The following SEC24C variants were observed in gnomAD, a reference collection of about 807,000 sequenced individuals.
The protein encoded by SEC24C is protein transport protein Sec24C.
Under a neutral mutation model 117.0 loss-of-function variants are expected in SEC24C, and 22 were observed. The ratio of observed to expected loss-of-function variants is 0.19; its 90% CI spans 0.13 to 0.27. The LOEUF (loss-of-function observed/expected upper bound fraction) is 0.27. Among genes scored for constraint, SEC24C ranks in the 10% least tolerant of loss-of-function variants. SEC24C has a pLI of 1.00. For missense variants in SEC24C, 1,155 were observed against 1,375.1 expected (o/e 0.84, Z 2.53); for synonymous variants, 506 against 529.4 (o/e 0.96, Z 0.61).
chr10:73,761,543 T>A (rs1191479511), intron 6 of SEC24C, among the ~76,000 whole-genome samples: 2 of 152,202 alleles, frequency 1.3e-5, no homozygotes, highest in African/African-American at 4.8e-5. Flanking sequence ...CCTGTAACAT[T>A]TGCTATGTCA....
At chr10:73,746,331 T>C (rs1221933253) in intron 1 of SEC24C, among the ~76,000 whole-genome samples, 1 of 152,210 alleles carries the variant, frequency 6.6e-6, no homozygotes, top group South Asian at 2.1e-4. Flanking sequence ...CAGATCTGTT[T>C]TAGATTTTTA....
chr10:73,766,056 C>T, intron 10 of SEC24C, 30 bp from the exon 11 acceptor site: 1 of 1,607,870 alleles, frequency 6.2e-7, no homozygotes, highest in Non-Finnish European at 8.5e-7. Context: ...TTACCATTCC[C>T]CCTCTCCCCA....
chr10:73,767,793 G>A (rs1589528353), intron 14 of SEC24C, 44 bp from the exon 15 acceptor site: 1 of 1,499,246 alleles, frequency 6.7e-7, no homozygotes, highest in East Asian at 2.3e-5. Flanking sequence ...GGGCGGAGCT[G>A]AGATATTTGA....
rs201765738 is a variant in SEC24C, at chr10:73,747,003, A to G, written c.171A>G (p.Gln57=). ...CAGGCTATCAGCAAACACCTCCCCA[A>G]GGTATGTTTCTGTTTCTGTTTCCTT... ...PVPGYQQTPP[Q]GMSRAPPSSG... is the part of the protein sequence containing the mutation. Residue 57 remains glutamine, a splice_region_variant and synonymous_variant, in exon 2 of 23, where the codon CAA becomes CAG. Coordinates refer to ENST00000345254, the MANE Select transcript of SEC24C (RefSeq NM_198597.3). 2.2e-5 allele frequency: 35 copies of G among 1,611,296 alleles called. No individual in the cohort carries two copies. The highest frequency in any genetic ancestry group is 1.8e-4 in the East Asian group (8 of 44,756).
intron 6 of SEC24C, among the ~76,000 whole-genome samples, chr10:73,762,550 GT>G (rs1170685330): frequency 2.6e-5 from 4 of 152,202 alleles, no homozygotes; most frequent in Non-Finnish European, 4.4e-5. Context: ...GTAGCCTGTT[GT>G]GGAGAAATAT....
intron 1 of SEC24C, among the ~76,000 whole-genome samples, chr10:73,745,291 T>G (rs2082529625): frequency 1.3e-5 from 2 of 152,004 alleles, no homozygotes; most frequent in African/African-American, 4.8e-5. Flanking sequence ...TGAGCAAGAT[T>G]GTAATAATTT....
intron 3 of SEC24C, among the ~76,000 whole-genome samples, chr10:73,755,077 G>A (rs2082691072): frequency 6.6e-6 from 1 of 151,928 alleles, no homozygotes. Flanking sequence ...AGGTTGCAGT[G>A]AGCCGAAATC....
chr10:73,759,501 C>A, intron 3 of SEC24C, 121 bp from the exon 4 acceptor site: 1 of 620,860 alleles, frequency 1.6e-6, no homozygotes, highest in Non-Finnish European at 2.5e-6. Context: ...CATAAAAGAA[C>A]TCAGGGTGTG....
In SEC24C at chr10:73,759,735, C is replaced by G; in HGVS notation, c.422C>G (p.Ser141Cys). 6.2e-7 allele frequency: 1 copy of G among 1,610,394 alleles called. No individual in the cohort carries two copies. The highest frequency in any genetic ancestry group is 8.5e-7 in the Non-Finnish European group (1 of 1,179,252). ...AGTGCACAGGTGGCTACGCAGCTGT[C>G]TGGAATGCAGATCAGCGGTGCTGTG... Reference protein sequence around the residue: ...PTSAQVATQLSGMQISGAVAP... With the variant: ...PTSAQVATQLCGMQISGAVAP... Residue 141 changes from serine to cysteine, a missense_variant, in exon 4 of 23, where the codon TCT becomes TGT. Physicochemically the swap from Ser to Cys is moderately radical, Grantham distance 112 (BLOSUM62 -1). Coordinates refer to ENST00000345254, the MANE Select transcript of SEC24C (RefSeq NM_198597.3).
At chr10:73,770,148 ACT>A in intron 20 of SEC24C, 130 bp from the exon 21 acceptor site, 2 of 1,247,102 alleles carry the variant, frequency 1.6e-6, no homozygotes, top group Admixed American at 4.2e-5. Context: ...TAATTTTCAC[ACT>A]GAGAGAGTTA....
chr10:73,760,633 G>C, intron 5 of SEC24C, 80 bp from the exon 6 acceptor site: 3 of 1,388,904 alleles, frequency 2.2e-6, no homozygotes, highest in Non-Finnish European at 2.0e-6. Flanking sequence ...ATGTTTTTAG[G>C]AGTCTAGTCA....
chr10:73,751,406 A>T (rs1208937293), intron 3 of SEC24C, among the ~76,000 whole-genome samples, 163 bp downstream of exon 3: 1 of 152,182 alleles, frequency 6.6e-6, no homozygotes, highest in Non-Finnish European at 1.5e-5. Context: ...TTTCTCAAAT[A>T]AAAAATTAGC....
chr10:73,757,945 A>C lies in SEC24C; in HGVS notation c.309-1677A>C, dbSNP rs559140708. ...CAAAAAAAAAAAAAAAAAAAAAAAAAAAACGTAAGGCTGGGCACGGTGGCT... is the reference window on the plus strand; with the variant it reads ...CAAAAAAAAAAAAAAAAAAAAAAAACAAACGTAAGGCTGGGCACGGTGGCT... On this transcript the variant is annotated intron_variant, in intron 3 of 22. Transcript: ENST00000345254. Among the ~76,000 whole-genome samples, 7 of 150,534 alleles carry C rather than the reference A, an allele frequency of 4.7e-5. No homozygotes were observed. In the South Asian group the frequency reaches 8.4e-4, roughly 18 times the overall value.
Position 73,765,461 on chromosome 10 carries a change from A to G in SEC24C, c.1238A>G (p.Tyr413Cys). Residue 413 changes from tyrosine to cysteine, a missense_variant, in exon 9 of 23, where the codon TAT becomes TGT. Tyr to Cys is a radical substitution (Grantham distance 194). Around this residue, in one of 2 missense-constraint regions of SEC24C, gnomAD observed 759 missense variants for 992.3 expected, o/e 0.76. Coordinates refer to ENST00000345254, the MANE Select transcript of SEC24C (RefSeq NM_198597.3). ...ARLPPEEASP[Y>C]VVDHGESGPL... ...CCCTTTGCGCCTTAGGCTTCACCGTATGTTGTGGACCATGGGGAATCTGGC... is the reference window on the plus strand; with the variant it reads ...CCCTTTGCGCCTTAGGCTTCACCGTGTGTTGTGGACCATGGGGAATCTGGC... 1.2e-6 allele frequency: 2 copies of G among 1,611,776 alleles called. No individual in the cohort carries two copies. Among genetic ancestry groups the G allele is most frequent in the Middle Eastern group, 1.7e-4 (1 of 6,050 alleles).
chr10:73,746,172 A>C (rs941934596), intron 1 of SEC24C, among the ~76,000 whole-genome samples: 19 of 152,006 alleles, frequency 1.2e-4, no homozygotes, highest in South Asian at 6.2e-4. Flanking sequence ...AAAAAAAAAA[A>C]AAAAAAAAAA....
intron 3 of SEC24C, among the ~76,000 whole-genome samples, chr10:73,754,186 G>A (rs2082679766): frequency 6.6e-6 from 1 of 152,042 alleles, no homozygotes; most frequent in Non-Finnish European, 1.5e-5. Flanking sequence ...AGGCCAAGGT[G>A]GGTGGATCAC....
At chr10:73,744,742 C>T (rs2082518525) in intron 1 of SEC24C, among the ~76,000 whole-genome samples, 1 of 152,124 alleles carries the variant, frequency 6.6e-6, no homozygotes, top group African/African-American at 2.4e-5. Flanking sequence ...CTTGGCTTCT[C>T]GGTTTTGATC....
rs187147189 is a variant in SEC24C, at chr10:73,772,103, T to C, written c.*1008T>C. ...GCTCTGGACCTCTCATTTCTCTTCA[T>C]TGGTTTATTTTTCAATGCATCTTTA... On this transcript the variant is annotated 3_prime_UTR_variant, in exon 23 of 23. Coordinates refer to ENST00000345254, the MANE Select transcript of SEC24C (RefSeq NM_198597.3). The C allele has an allele frequency of 6.4e-4, 262 of 410,448 alleles. No homozygotes were observed. The highest frequency in any genetic ancestry group is 2.5e-3 in the Middle Eastern group (4 of 1,612). 25.4% of individuals were successfully genotyped at this position (410,448 alleles called of 1,614,324 possible).
Position 73,771,211 on chromosome 10 carries a change from GA to G in SEC24C, c.*117del, listed in dbSNP as rs1397621091. The G allele has an allele frequency of 3.2e-6, 4 of 1,235,844 alleles. No homozygotes were observed. Among genetic ancestry groups the G allele is most frequent in the Non-Finnish European group, 4.5e-6 (4 of 883,220 alleles). The allele number at this position is 1,235,844 out of a possible 1,614,324, so 76.6% of individuals were successfully genotyped here. On this transcript the variant is annotated 3_prime_UTR_variant, in exon 23 of 23. Coordinates refer to ENST00000345254, the MANE Select transcript of SEC24C (RefSeq NM_198597.3). ...AAGCTGACCTCAGTCTCTCTGGGGG[GA>G]GGGGGAGATATAAGGAGACACCTTC...
Sources: gnomAD v4.1 joint callset for allele counts (sites outside exome capture counted in the v4.1 genomes callset) on GRCh38, gnomAD v4.1.1 for gene constraint, gnomAD v4.1.1 regional missense constraint, MANE v1.5 for transcripts, NCBI Gene and HGNC (gene_info 2026-07-23, HGNC 2026-07-21) for gene names.